The following SBSN variants were observed in gnomAD, a reference collection of about 807,000 sequenced individuals.
The protein encoded by SBSN is suprabasin.
In SBSN, 33 loss-of-function variants were observed where a neutral mutation model predicts 42.8. The ratio of observed to expected loss-of-function variants is 0.77; its 90% CI spans 0.58 to 1.03. SBSN has a LOEUF of 1.03. SBSN is among the 50% of genes least tolerant of loss of function. The probability of loss-of-function intolerance (pLI) is 0.00; values close to 1 mark genes in which losing one functional copy is unlikely to be tolerated. For missense variants in SBSN, 646 were observed against 757.3 expected (o/e 0.85, Z 1.72); for synonymous variants, 276 against 307.0 (o/e 0.90, Z 1.06).
Position 35,523,542 on chromosome 19 carries a change from G to A in SBSN, c.1750-9C>T. ...ATGATGTTGGCGACGCTCTGGAAGAGAGAAGGAGAGCAGGGGTGAATGTAG... is the reference window on the plus strand; with the variant it reads ...ATGATGTTGGCGACGCTCTGGAAGAAAGAAGGAGAGCAGGGGTGAATGTAG... On this transcript the variant is annotated splice_polypyrimidine_tract_variant and intron_variant, in intron 3 of 3. Coordinates refer to ENST00000452271, the MANE Select transcript of SBSN (RefSeq NM_001166034.2). The A allele has an allele frequency of 1.2e-6, 2 of 1,614,140 alleles. No homozygotes were observed. Among genetic ancestry groups the A allele is most frequent in the Non-Finnish European group, 1.7e-6 (2 of 1,179,972 alleles).
At position 35,528,121 on chromosome 19, in the gene SBSN, A is replaced by C; in HGVS notation, c.161T>G (p.Ile54Ser). ...TCCGGCATGCGTGATTCCACTGTTG[A>C]TGCCATCCAGGGCCTTGCCCACCTC... ...EREVGKALDG[I>S]NSGITHAGRE... The change falls in exon 1 of 4, where the codon ATC (isoleucine) becomes AGC (serine). Residue 54 changes from isoleucine to serine, a missense_variant. Around this residue, in one of 3 missense-constraint regions of SBSN, gnomAD observed 190 missense variants for 197.1 expected, o/e 0.96. Transcript: ENST00000452271. 1 of 1,613,898 alleles carries C rather than the reference A, an allele frequency of 6.2e-7. No homozygotes were observed. Among genetic ancestry groups the C allele is most frequent in the Non-Finnish European group, 8.5e-7 (1 of 1,180,000 alleles).
Position 35,527,140 on chromosome 19 carries a change from T to C in SBSN, c.1142A>G (p.Lys381Arg). Residue 381 changes from lysine to arginine, a missense_variant, in exon 1 of 4, where the codon AAG (lysine) becomes AGG (arginine). Physicochemically the swap from Lys to Arg is conservative, Grantham distance 26. Coordinates refer to ENST00000452271, the MANE Select transcript of SBSN (RefSeq NM_001166034.2). ...ACCCTGGCCAAACTTCTCTGCTTCCTTCCAGGCCTCATTAACCCCATGGTG... is the reference window on the plus strand; with the variant it reads ...ACCCTGGCCAAACTTCTCTGCTTCCCTCCAGGCCTCATTAACCCCATGGTG... Reference protein sequence around the residue: ...GVHHGVNEAWKEAEKFGQGVH... With the variant: ...GVHHGVNEAWREAEKFGQGVH... 2.0e-6 allele frequency: 3 copies of C among 1,536,670 alleles called. No homozygotes were observed. Among genetic ancestry groups the C allele is most frequent in the Non-Finnish European group, 2.6e-6 (3 of 1,146,720 alleles).
In SBSN at chr19:35,523,856, A is replaced by AC. The variant is rs2071339193; in HGVS notation, c.1750-324dup. On this transcript the variant is annotated intron_variant, in intron 3 of 3. Coordinates refer to ENST00000452271, the MANE Select transcript of SBSN (RefSeq NM_001166034.2). ...GTGATACACCCTCACCCTGGCCTGC[A>AC]CCAGGTCTCGGGCAGCAGATACAAT... Among the ~76,000 whole-genome samples the AC allele has an allele frequency of 2.6e-5, 4 of 152,254 alleles. No homozygotes were observed. The South Asian group carries it at 8.3e-4, about 32-fold the overall frequency.
Position 35,527,551 on chromosome 19 carries a change from T to A in SBSN, c.731A>T (p.Gln244Leu). The A allele has an allele frequency of 4.6e-6, 7 of 1,524,546 alleles. No individual in the cohort carries two copies. The highest frequency in any genetic ancestry group is 6.1e-6 in the Non-Finnish European group (7 of 1,145,114). The allele number at this position is 1,524,546 out of a possible 1,614,324, so 94.4% of individuals were successfully genotyped here. A position where few individuals can be genotyped will look rare whatever the true frequency, so the allele number is the denominator to read the frequency against. Residue 244 changes from glutamine (Q) to leucine (L), a missense_variant, in exon 1 of 4, where the codon CAG (glutamine) becomes CTG (leucine). By Grantham distance (113) the Gln-to-Leu change is moderately radical (BLOSUM62 -2). Coordinates refer to ENST00000452271, the MANE Select transcript of SBSN (RefSeq NM_001166034.2). ...QVGKEAEKFG[Q>L]GAHHAAGQAG... ...CTGCCCCGCAGCATGGTGGGCCCCC[T>A]GGCCAAACTTCTCTGCCTCCTTCCC...
In SBSN at chr19:35,527,162, G is replaced by T; in HGVS notation, c.1120C>A (p.His374Asn). ...TCCTTCCAGGCCTCATTAACCCCAT[G>T]GTGGACCCCATGGCCGAGCTTCTCT... is the stretch of plus-strand genomic sequence containing the variant. Reference protein sequence around the residue: ...ETEKLGHGVHHGVNEAWKEAE... With the variant: ...ETEKLGHGVHNGVNEAWKEAE... Residue 374 changes from histidine to asparagine, a missense_variant, in exon 1 of 4, where the codon CAT becomes AAT. Physicochemically the swap from His to Asn is moderately conservative, Grantham distance 68. Coordinates refer to ENST00000452271, the MANE Select transcript of SBSN (RefSeq NM_001166034.2). 6.5e-7 allele frequency: 1 copy of T among 1,536,434 alleles called. No individual in the cohort carries two copies. The highest frequency in any genetic ancestry group is 1.4e-5 in the African/African-American group (1 of 73,038).
rs2071332789 is a variant in SBSN, at chr19:35,523,368, AGT to A, written c.*140_*141del. 1 of 815,328 alleles carries A rather than the reference AGT, an allele frequency of 1.2e-6. No homozygotes were observed. 50.5% of individuals were successfully genotyped at this position (815,328 alleles called of 1,614,324 possible). A position where few individuals can be genotyped will look rare whatever the true frequency, so the allele number is the denominator to read the frequency against. On this transcript the variant is annotated 3_prime_UTR_variant, in exon 4 of 4. Coordinates refer to ENST00000452271, the MANE Select transcript of SBSN (RefSeq NM_001166034.2). ...CCAGGGGACCACAATGAGACAGCATAGTGTATCAAGTTTATTCACAAATCCCA... is the reference window on the plus strand; with the variant it reads ...CCAGGGGACCACAATGAGACAGCATAGTATCAAGTTTATTCACAAATCCCA...
In SBSN at chr19:35,526,761, C is replaced by A; in HGVS notation, c.1521G>T (p.Lys507Asn). Residue 507 changes from lysine to asparagine, a missense_variant, in exon 1 of 4, where the codon AAG becomes AAT. By Grantham distance (94) the Lys-to-Asn change is moderately conservative. This residue lies in a region of SBSN where 236 missense variants were observed against 225.6 expected (regional missense o/e 1.05). Transcript: ENST00000452271. ...CACCTTGGCCAAGCTTCTCCACTTC[C>A]TTTCCAGCCTGGTCAGCAGCATGGT... The part of the protein sequence containing the change: ...GVNHAADQAG[K>N]EVEKLGQGAH... 1 of 1,613,594 alleles carries A rather than the reference C, an allele frequency of 6.2e-7. No individual in the cohort carries two copies. The highest frequency in any genetic ancestry group is 1.7e-5 in the Admixed American group (1 of 59,976).
chr19:35,525,006 C>A, intron 1 of SBSN, 82 bp from the exon 2 acceptor site: 1 of 1,458,898 alleles, frequency 6.9e-7, no homozygotes, highest in South Asian at 1.2e-5. Flanking sequence ...GACCTGGTCC[C>A]CTCCAGGGTG....
chr19:35,526,818 C>T lies in SBSN; in HGVS notation c.1464G>A (p.Gly488=). The stretch of plus-strand genomic sequence containing the variant: ...CTTGGCCAAGTTTCTCTGCTTCCTT[C>T]CCAGCCTGGTGGACCCCAGTGTGGA... The part of the protein sequence containing the change: ...QGFHTGVHQA[G]KEAEKLGQGV... The change falls in exon 1 of 4, where the codon GGG becomes GGA. Residue 488 remains glycine, a synonymous_variant. Transcript: ENST00000452271. The T allele has an allele frequency of 1.2e-6, 2 of 1,613,838 alleles. No homozygotes were observed. The highest frequency in any genetic ancestry group is 1.7e-6 in the Non-Finnish European group (2 of 1,179,928).
At position 35,523,501 on chromosome 19, in the gene SBSN, G is replaced by A. The variant is rs1419139770; in HGVS notation, c.*9C>T. ...CGACATTATTCTCCCAGCAAGGCCG[G>A]ATGCCAGTTTAGGGCATGATGTTGG... On this transcript the variant is annotated 3_prime_UTR_variant, in exon 4 of 4. Transcript: ENST00000452271. 2.5e-6 allele frequency: 4 copies of A among 1,614,040 alleles called. No homozygotes were observed. Among genetic ancestry groups the A allele is most frequent in the East Asian group, 2.2e-5 (1 of 44,886 alleles).
chr19:35,526,766 C>T lies in SBSN; in HGVS notation c.1516G>A (p.Gly506Arg), dbSNP rs1312864874. Reference sequence around the variant, plus strand: ...TGGCCAAGCTTCTCCACTTCCTTTCCAGCCTGGTCAGCAGCATGGTTGACC... The same window carrying T: ...TGGCCAAGCTTCTCCACTTCCTTTCTAGCCTGGTCAGCAGCATGGTTGACC... ...QGVNHAADQA[G>R]KEVEKLGQGA... The change falls in exon 1 of 4, where the codon GGA (glycine) becomes AGA (arginine). Residue 506 changes from glycine to arginine, a missense_variant. Gly to Arg is a moderately radical substitution (Grantham distance 125). This residue lies in a region of SBSN where 236 missense variants were observed against 225.6 expected (regional missense o/e 1.05). Coordinates refer to ENST00000452271, the MANE Select transcript of SBSN (RefSeq NM_001166034.2). 3 of 1,613,416 alleles carry T rather than the reference C, an allele frequency of 1.9e-6. No individual in the cohort carries two copies. The highest frequency in any genetic ancestry group is 2.5e-6 in the Non-Finnish European group (3 of 1,179,804).
chr19:35,523,542 GAGA>G lies in SBSN; in HGVS notation c.1750-12_1750-10del, dbSNP rs1467848858. ...ATGATGTTGGCGACGCTCTGGAAGAGAGAAGGAGAGCAGGGGTGAATGTAGGGT... is the reference window on the plus strand; with the variant it reads ...ATGATGTTGGCGACGCTCTGGAAGAGAGGAGAGCAGGGGTGAATGTAGGGT... On this transcript the variant is annotated splice_polypyrimidine_tract_variant and intron_variant, in intron 3 of 3. Transcript: ENST00000452271. The G allele has an allele frequency of 1.2e-6, 2 of 1,614,022 alleles. No individual in the cohort carries two copies. The highest frequency in any genetic ancestry group is 1.7e-6 in the Non-Finnish European group (2 of 1,179,980).
Position 35,526,939 on chromosome 19 carries a change from A to AC in SBSN, c.1342dup (p.Val448GlyfsTer20), listed in dbSNP as rs767435126. The AC allele has an allele frequency of 6.3e-7, 1 of 1,580,168 alleles. No homozygotes were observed. The highest frequency in any genetic ancestry group is 2.3e-5 in the East Asian group (1 of 43,082). ...CCCTGCCTCCTTCCCGGCCTCGTGG[A>AC]CCCCAGGTTGGACACCATGAACTGC... On this transcript the variant is annotated frameshift_variant, in exon 1 of 4. Transcript: ENST00000452271. LOFTEE classifies it high-confidence loss of function.
At chr19:35,524,588 G>T in intron 3 of SBSN, 123 bp downstream of exon 3, 2 of 920,610 alleles carry the variant, frequency 2.2e-6, no homozygotes, top group Non-Finnish European at 1.7e-6. Flanking sequence ...CAGGTTGGAG[G>T]GTCTTTGCAG....
Position 35,528,071 on chromosome 19 carries a change from C to G in SBSN, c.211G>C (p.Gly71Arg), listed in dbSNP as rs766134876. Reference protein sequence around the residue: ...AGREVEKVFNGLSNMGSHTGK... With the variant: ...AGREVEKVFNRLSNMGSHTGK... ...GTGTGGCTCCCCATGTTGCTAAGTC[C>G]GTTGAAAACCTTCTCCACTTCCCTT... Residue 71 changes from glycine to arginine, a missense_variant, in exon 1 of 4, where the codon GGA becomes CGA. Around this residue, in one of 3 missense-constraint regions of SBSN, gnomAD observed 190 missense variants for 197.1 expected, o/e 0.96. Transcript: ENST00000452271. The G allele has an allele frequency of 1.9e-6, 3 of 1,613,978 alleles. No homozygotes were observed. The highest frequency in any genetic ancestry group is 2.5e-6 in the Non-Finnish European group (3 of 1,180,030).
chr19:35,523,928 G>C lies in SBSN; in HGVS notation c.1750-395C>G, dbSNP rs2071339942. Reference sequence around the variant, plus strand: ...GCAGTGGCTTACGCCTGTAATCCCAGCACTTTGGGAGGCTGAGGAAGGAGG... The same window carrying C: ...GCAGTGGCTTACGCCTGTAATCCCACCACTTTGGGAGGCTGAGGAAGGAGG... On this transcript the variant is annotated intron_variant, in intron 3 of 3. Coordinates refer to ENST00000452271, the MANE Select transcript of SBSN (RefSeq NM_001166034.2). Among the ~76,000 whole-genome samples the C allele has an allele frequency of 3.3e-5, 5 of 152,232 alleles. No homozygotes were observed. In the South Asian group the frequency reaches 1.0e-3, roughly 31 times the overall value.
chr19:35,527,995 T>G lies in SBSN; in HGVS notation c.287A>C (p.Lys96Thr). 6.2e-7 allele frequency: 1 copy of G among 1,613,936 alleles called. No homozygotes were observed. Among genetic ancestry groups the G allele is most frequent in the Non-Finnish European group, 8.5e-7 (1 of 1,180,042 alleles). Residue 96 changes from lysine to threonine, a missense_variant, in exon 1 of 4, where the codon AAG (lysine) becomes ACG (threonine). Lys to Thr is a moderately conservative substitution (Grantham distance 78). Around this residue, in one of 3 missense-constraint regions of SBSN, gnomAD observed 190 missense variants for 197.1 expected, o/e 0.96. Transcript: ENST00000452271. ...ACCATGGTTGATCTCATGGGCAACC[T>G]TGTCCATGCCGTGGTTGAGCCCCTG... Reference protein sequence around the residue: ...GVQGLNHGMDKVAHEINHGIG... With the variant: ...GVQGLNHGMDTVAHEINHGIG...
rs2071387340 is a variant in SBSN, at chr19:35,527,290, C to A, written c.992G>T (p.Arg331Met). The stretch of plus-strand genomic sequence containing the variant: ...ACCATGGTGGACCCCCTGGCCAAAC[C>A]TCCCAGCCTCATTTCCGGCCTGCCC... ...AAGQAGNEAG[R>M]FGQGVHHGLS... The change falls in exon 1 of 4, where the codon AGG (arginine) becomes ATG (methionine). Residue 331 changes from arginine (R) to methionine (M), a missense_variant. Physicochemically the swap from Arg to Met is moderately conservative, Grantham distance 91 (BLOSUM62 -1). Transcript: ENST00000452271. The A allele has an allele frequency of 1.3e-6, 2 of 1,528,986 alleles. No homozygotes were observed. Among genetic ancestry groups the A allele is most frequent in the East Asian group, 2.5e-5 (1 of 39,954 alleles). The allele number at this position is 1,528,986 out of a possible 1,614,324, so 94.7% of individuals were successfully genotyped here. A position where few individuals can be genotyped will look rare whatever the true frequency, so the allele number is the denominator to read the frequency against.
intron 2 of SBSN, 38 bp downstream of exon 2, chr19:35,524,820 CA>C (rs766700095): frequency 1.1e-5 from 18 of 1,613,682 alleles, no homozygotes; most frequent in Non-Finnish European, 1.5e-5. Flanking sequence ...AGGGAACTCC[CA>C]GGGGCCTCCT....
Sources: gnomAD v4.1 joint callset for allele counts (sites outside exome capture counted in the v4.1 genomes callset) on GRCh38, gnomAD v4.1.1 for gene constraint, gnomAD v4.1.1 regional missense constraint, MANE v1.5 for transcripts, NCBI Gene and HGNC (gene_info 2026-07-23, HGNC 2026-07-21) for gene names.